The following KDM6A variants were observed in gnomAD, a reference collection of about 807,000 sequenced individuals.
KDM6A encodes the protein lysine demethylase 6A.
Under a neutral mutation model 117.6 loss-of-function variants are expected in KDM6A, and 11 were observed. The observed-to-expected ratio is 0.09, with a 90% confidence interval of 0.06 to 0.15. KDM6A has a LOEUF of 0.15. Among genes scored for constraint, KDM6A ranks in the 10% least tolerant of loss-of-function variants. KDM6A has a pLI of 1.00. For missense variants in KDM6A, 799 were observed against 1,077.3 expected (o/e 0.74, Z 3.62); for synonymous variants, 384 against 396.1 (o/e 0.97, Z 0.36).
intron 4 of KDM6A, among the ~76,000 whole-genome samples, chrX:44,977,243 G>GTC (rs1236171197): frequency 1.8e-5 from 2 of 110,207 alleles, no homozygotes; most frequent in East Asian, 5.7e-4. Flanking sequence ...TAGTAAAAGT[G>GTC]TCTCTCTCTC....
At chrX:45,083,201 A>AC (rs1161306994) in intron 23 of KDM6A, among the ~76,000 whole-genome samples, 37 of 111,716 alleles carry the variant, frequency 3.3e-4, no homozygotes, top group African/African-American at 1.1e-3. Context: ...TAGTTACGTG[A>AC]AAATGTATTT....
intron 10 of KDM6A, among the ~76,000 whole-genome samples, chrX:45,056,969 ATCTCT>A (rs1272391876): frequency 1.8e-5 from 2 of 111,064 alleles, no homozygotes; most frequent in African/African-American, 3.3e-5. Flanking sequence ...ATTGTAGCTG[ATCTCT>A]TCTTATGAAT....
chrX:44,915,528 C>T (rs185506053), intron 2 of KDM6A, among the ~76,000 whole-genome samples: 1 of 112,101 alleles, frequency 8.9e-6, no homozygotes, highest in Non-Finnish European at 1.9e-5. Flanking sequence ...GTAGTGTACG[C>T]TCTTATCCAC....
chrX:45,003,515 G>A (rs1258927073), intron 4 of KDM6A, among the ~76,000 whole-genome samples: 4 of 106,041 alleles, frequency 3.8e-5, no homozygotes, highest in African/African-American at 1.4e-4. Context: ...AAGGATTTTT[G>A]ATAGGAAGGC....
At chrX:45,000,173 A>G (rs956378523) in intron 4 of KDM6A, among the ~76,000 whole-genome samples, 4 of 112,346 alleles carry the variant, frequency 3.6e-5, no homozygotes, top group African/African-American at 1.3e-4. Context: ...TTGTTCAGCT[A>G]TTCCTTTAAC....
rs781599113 is a variant in KDM6A at position 45,049,812 on chromosome X, A to G, written c.655-1897A>G. 3.6e-5 allele frequency among the ~76,000 whole-genome samples: 4 copies of G among 112,429 alleles called. No homozygotes were observed. The South Asian group carries it at 1.5e-3, about 41-fold the overall frequency. On this transcript the variant is annotated intron_variant, in intron 8 of 29. Coordinates refer to ENST00000611820, the MANE Select transcript of KDM6A (RefSeq NM_001291415.2). ...GCTCGTTCTTCCTCTGAGAAGTATTATAATGTTATCATACACAGCACAATA... is the reference window on the plus strand; with the variant it reads ...GCTCGTTCTTCCTCTGAGAAGTATTGTAATGTTATCATACACAGCACAATA...
intron 3 of KDM6A, among the ~76,000 whole-genome samples, chrX:44,970,931 G>T (rs1328380646): frequency 9.0e-6 from 1 of 111,311 alleles, no homozygotes; most frequent in Non-Finnish European, 1.9e-5. Flanking sequence ...AGTAGACAGA[G>T]AACCTTTTTC....
intron 19 of KDM6A, among the ~76,000 whole-genome samples, chrX:45,077,507 C>G (rs760492708): frequency 4.5e-5 from 5 of 110,061 alleles, no homozygotes; most frequent in African/African-American, 1.6e-4. Context: ...TAAAATGGTA[C>G]TAGAGTTTGT....
At chrX:44,936,150 C>T (rs2036955146) in intron 2 of KDM6A, among the ~76,000 whole-genome samples, 1 of 111,643 alleles carries the variant, frequency 9.0e-6, no homozygotes, top group African/African-American at 3.3e-5. Flanking sequence ...TGCCTTTTTC[C>T]ACCTTCTAGT....
intron 2 of KDM6A, among the ~76,000 whole-genome samples, chrX:44,947,485 C>A (rs2037714585): frequency 9.3e-6 from 1 of 108,014 alleles, no homozygotes; most frequent in Non-Finnish European, 1.9e-5. Context: ...ATGCCATTTT[C>A]CTGCCTCAGC....
intron 27 of KDM6A, among the ~76,000 whole-genome samples, chrX:45,105,409 TTTTG>T (rs1347724596): frequency 9.0e-6 from 1 of 111,512 alleles, no homozygotes; most frequent in East Asian, 2.8e-4. Context: ...ATTATATTAT[TTTTG>T]TTTGGCCATG....
intron 2 of KDM6A, among the ~76,000 whole-genome samples, chrX:44,959,738 T>G (rs2038566010): frequency 8.9e-6 from 1 of 111,760 alleles, no homozygotes; most frequent in Admixed American, 9.6e-5. Flanking sequence ...ATCTGCCAGA[T>G]AAGAATTATA....
chrX:44,935,844 A>ATAT (rs754887949), intron 2 of KDM6A, among the ~76,000 whole-genome samples: 1 of 111,817 alleles, frequency 8.9e-6, no homozygotes, highest in Non-Finnish European at 1.9e-5. Context: ...ACATAGAAGG[A>ATAT]TATTGCGCAG....
chrX:45,004,249 A>T (rs184590566), intron 4 of KDM6A, among the ~76,000 whole-genome samples: 2 of 111,049 alleles, frequency 1.8e-5, no homozygotes, highest in Admixed American at 9.6e-5. Context: ...GGTCCTCCAG[A>T]TGGAGACTGG....
At chrX:45,078,588 C>T in intron 20 of KDM6A, 83 bp downstream of exon 20, 10 of 738,683 alleles carry the variant, frequency 1.4e-5, no homozygotes, top group Admixed American at 7.7e-5. Flanking sequence ...AGATACTTTT[C>T]TTTTTTTTCT....
chrX:44,874,028 G>T, intron 2 of KDM6A, 41 bp downstream of exon 2: 1 of 1,152,440 alleles, frequency 8.7e-7, no homozygotes, highest in Non-Finnish European at 1.2e-6. Flanking sequence ...CCGTCTCCCT[G>T]GCCGGCGCCG....
chrX:45,099,763 G>A (rs916704387), intron 27 of KDM6A, among the ~76,000 whole-genome samples: 9 of 112,001 alleles, frequency 8.0e-5, no homozygotes, highest in Admixed American at 3.8e-4. Context: ...CACTGGGTGC[G>A]GTGGCTCACG....
At chrX:44,972,758 G>A (rs914156741) in intron 3 of KDM6A, among the ~76,000 whole-genome samples, 6 of 111,198 alleles carry the variant, frequency 5.4e-5, no homozygotes, top group African/African-American at 2.0e-4. Flanking sequence ...AAATCAGGCC[G>A]GTCATGGTGG....
chrX:44,951,256 G>A (rs569745048), intron 2 of KDM6A, among the ~76,000 whole-genome samples: 8 of 111,566 alleles, frequency 7.2e-5, no homozygotes, highest in Admixed American at 1.9e-4. Context: ...GATTTTGAGC[G>A]TTATTCCTAA....
Sources: gnomAD v4.1 joint callset for allele counts (sites outside exome capture counted in the v4.1 genomes callset) on GRCh38, gnomAD v4.1.1 for gene constraint, MANE v1.5 for transcripts, NCBI Gene and HGNC (gene_info 2026-07-23, HGNC 2026-07-21) for gene names.